The following TTC39C variants were observed in gnomAD, a reference collection of about 807,000 sequenced individuals.
TTC39C encodes tetratricopeptide repeat domain 39C, also known as tetratricopeptide repeat protein 39C.
In TTC39C, 33 loss-of-function variants were observed where a neutral mutation model predicts 76.3. The observed-to-expected ratio is 0.43, with a 90% CI of 0.33 to 0.58. The LOEUF (loss-of-function observed/expected upper bound fraction) is 0.58, where lower values mean the gene tolerates loss of function less well. TTC39C is among the 20% of genes least tolerant of loss of function. TTC39C has a pLI of 0.04. For synonymous variants in TTC39C, 254 were observed against 260.6 expected (o/e 0.97, Z 0.24); for missense variants, 595 against 701.4 (o/e 0.85, Z 1.71).
chr18:24,130,424 T>G lies in TTC39C; in HGVS notation c.1623+7T>G. ...TCTATTAGACAAACCAGAGGTAAGA[T>G]CTTATATATATAATATAATATATAT... On this transcript the variant is annotated splice_region_variant and intron_variant, in intron 12 of 13. Transcript: ENST00000317571. 8.0e-7 allele frequency: 1 copy of G among 1,253,108 alleles called. No individual in the cohort carries two copies. Among genetic ancestry groups the G allele is most frequent in the Non-Finnish European group, 1.1e-6 (1 of 923,738 alleles). 77.6% of individuals were successfully genotyped at this position (1,253,108 alleles called of 1,614,324 possible). A position where few individuals can be genotyped will look rare whatever the true frequency, so the allele number is the denominator to read the frequency against.
At chr18:24,077,497 G>A (rs576253501) in intron 4 of TTC39C, among the ~76,000 whole-genome samples, 2 of 152,286 alleles carry the variant, frequency 1.3e-5, no homozygotes, top group African/African-American at 4.8e-5. Context: ...ACCCAATAGA[G>A]CATTTAAATA....
At chr18:24,012,141 C>T (rs1181229336), upstream of TTC39C, among the ~76,000 whole-genome samples, 1 of 150,874 alleles carries the variant, frequency 6.6e-6, no homozygotes, top group Non-Finnish European at 1.5e-5. Flanking sequence ...TACTAGTCCA[C>T]GTGTTCTCTT....
At chr18:24,029,901 G>C (rs2083647282) in intron 1 of TTC39C, among the ~76,000 whole-genome samples, 1 of 152,144 alleles carries the variant, frequency 6.6e-6, no homozygotes, top group Non-Finnish European at 1.5e-5. Context: ...TCCATTCATT[G>C]ATTGATGGAA....
chr18:24,024,354 G>A (rs1049645961), intron 1 of TTC39C, among the ~76,000 whole-genome samples: 2 of 151,902 alleles, frequency 1.3e-5, no homozygotes, highest in East Asian at 1.9e-4. Flanking sequence ...ACCTTTATCC[G>A]ATGATAAAAT....
intron 11 of TTC39C, among the ~76,000 whole-genome samples, chr18:24,129,595 G>A (rs978326377): frequency 8.6e-5 from 13 of 151,878 alleles, no homozygotes; most frequent in African/African-American, 3.1e-4. Context: ...CCAACATGGT[G>A]GAACCCCGTC....
chr18:24,003,145 T>C (rs899613244), intron 1 of TTC39C, among the ~76,000 whole-genome samples: 17 of 152,234 alleles, frequency 1.1e-4, no homozygotes, highest in African/African-American at 3.6e-4. Flanking sequence ...CTCTATACTC[T>C]AGAACAACTG....
chr18:24,099,033 GTGTATA>G (rs1220872410), intron 6 of TTC39C, among the ~76,000 whole-genome samples: 26 of 145,648 alleles, frequency 1.8e-4, no homozygotes, highest in African/African-American at 3.4e-4. Context: ...GTGTGTGTGT[GTGTATA>G]TATATATCTA....
chr18:24,018,772 A>C (rs1221469597), intron 1 of TTC39C, among the ~76,000 whole-genome samples: 1 of 152,196 alleles, frequency 6.6e-6, no homozygotes, highest in Non-Finnish European at 1.5e-5. Flanking sequence ...GAGAGGAAAC[A>C]GCGGAAAAAC....
intron 1 of TTC39C, chr18:24,022,623 C>T: frequency 1.0e-6 from 1 of 985,400 alleles, no homozygotes; most frequent in Non-Finnish European, 1.2e-6. Context: ...AGATTGCACT[C>T]TGACACCCAG....
chr18:24,045,961 C>T lies in TTC39C; in HGVS notation c.168-18179C>T, dbSNP rs1345399624. Among the ~76,000 whole-genome samples the T allele has an allele frequency of 3.9e-4, 19 of 49,230 alleles. No individual in the cohort carries two copies. In the East Asian group the frequency reaches 0.011, roughly 28 times the overall value. The allele number at this position is 49,230 out of a possible 152,430, so 32.3% of individuals were successfully genotyped here. A position where few individuals can be genotyped will look rare whatever the true frequency, so the allele number is the denominator to read the frequency against. ...TTTTTTTTTTTTTTTTTTTTTGAGA[C>T]GGAGACTTGCTCTGTCACCCAGGCT... On this transcript the variant is annotated intron_variant, in intron 1 of 13. Coordinates refer to ENST00000317571, the MANE Select transcript of TTC39C (RefSeq NM_001135993.2).
intron 1 of TTC39C, among the ~76,000 whole-genome samples, chr18:24,032,872 G>A (rs904687454): frequency 2.6e-5 from 4 of 152,232 alleles, no homozygotes; most frequent in Non-Finnish European, 5.9e-5. Context: ...ACAGGGGTTT[G>A]TAGAAAAACA....
chr18:24,046,508 C>T (rs528188021), intron 1 of TTC39C, among the ~76,000 whole-genome samples: 1 of 151,846 alleles, frequency 6.6e-6, no homozygotes, highest in Non-Finnish European at 1.5e-5. Flanking sequence ...AACTTGGTAG[C>T]GTTTTCTAGA....
chr18:24,005,318 G>A (rs1262195258), intron 1 of TTC39C, among the ~76,000 whole-genome samples: 1 of 152,116 alleles, frequency 6.6e-6, no homozygotes, highest in African/African-American at 2.4e-5. Flanking sequence ...CCAGCACCCA[G>A]CACGTAGTGA....
intron 6 of TTC39C, among the ~76,000 whole-genome samples, chr18:24,110,904 G>A (rs4476256): frequency 0.26 from 39,746 of 152,094 alleles, 6,076 homozygotes; most frequent in African/African-American, 0.43. Context: ...TCCAGGTATA[G>A]TTAATGAGAC....
At chr18:24,098,396 C>CCCTTCCTCCCTCCCTCCTTCCTTCCTT (rs2084619021) in intron 6 of TTC39C, among the ~76,000 whole-genome samples, 1 of 66,104 alleles carries the variant, frequency 1.5e-5, no homozygotes, top group Admixed American at 1.4e-4. Context: ...CTCCCTCCCT[C>CCCTTCCTCCCTCCCTCCTTCCTTCCTT]CCTCCCTCCC....
At chr18:24,001,144 G>A (rs1057026747) in intron 1 of TTC39C, among the ~76,000 whole-genome samples, 19 of 152,126 alleles carry the variant, frequency 1.2e-4, no homozygotes, top group Non-Finnish European at 4.4e-5. Flanking sequence ...GCCAGCTTGG[G>A]GTCTTCTGGA....
rs1382757741 is a variant in TTC39C at position 24,082,815 on chromosome 18, A to G, written c.816-98A>G. The G allele has an allele frequency of 5.7e-6, 7 of 1,235,822 alleles. No homozygotes were observed. The Admixed American group carries it at 7.5e-5, about 13-fold the overall frequency. The allele number at this position is 1,235,822 out of a possible 1,614,324, so 76.6% of individuals were successfully genotyped here. On this transcript the variant is annotated intron_variant, in intron 5 of 13. Coordinates refer to ENST00000317571, the MANE Select transcript of TTC39C (RefSeq NM_001135993.2). ...AGAGACTGCATAGTAAGCTTTTTGG[A>G]TAGAGTAGTATTGGAAGAACACATA...
chr18:24,034,121 G>A (rs996436817), intron 1 of TTC39C, among the ~76,000 whole-genome samples: 1 of 152,210 alleles, frequency 6.6e-6, no homozygotes, highest in Non-Finnish European at 1.5e-5. Flanking sequence ...AAAAGATGCA[G>A]ATGTCCCAGA....
intron 1 of TTC39C, among the ~76,000 whole-genome samples, chr18:24,061,450 G>T (rs745462715): frequency 2.0e-5 from 3 of 151,752 alleles, no homozygotes; most frequent in Non-Finnish European, 2.9e-5. Context: ...CCATAGCACT[G>T]GTTTTGAACC....
Sources: allele counts gnomAD v4.1 joint callset (sites outside exome capture counted in the v4.1 genomes callset), GRCh38; gene constraint gnomAD v4.1.1; transcripts MANE v1.5; gene names NCBI Gene and HGNC (gene_info 2026-07-23, HGNC 2026-07-21).